The following GRM8 variants were observed in gnomAD, a reference collection of about 807,000 sequenced individuals.
GRM8 encodes the protein metabotropic glutamate receptor 8.
A neutral mutation model predicts 87.2 loss-of-function variants in GRM8; 47 were observed. That is an observed-to-expected ratio of 0.54 (90% CI 0.43 to 0.69). GRM8 has a LOEUF of 0.69. Ranked by LOEUF, GRM8 falls within the 30% of genes least tolerant of loss-of-function variation. GRM8 has a pLI of 0.00. For missense variants in GRM8, 1,019 were observed against 1,139.2 expected (o/e 0.89, Z 1.52); for synonymous variants, 396 against 404.5 (o/e 0.98, Z 0.25).
chr7:126,693,457 C>T (rs971558066), intron 7 of GRM8, among the ~76,000 whole-genome samples: 1 of 152,092 alleles, frequency 6.6e-6, no homozygotes, highest in Non-Finnish European at 1.5e-5. Context: ...AAGTACAATA[C>T]ATTACAGCAT....
intron 2 of GRM8, among the ~76,000 whole-genome samples, chr7:127,142,226 C>T (rs570574893): frequency 1.3e-5 from 2 of 152,198 alleles, no homozygotes; most frequent in East Asian, 1.9e-4. Context: ...GATCCTCTCA[C>T]CTCAGCCTCC....
At chr7:127,042,058 T>A (rs746624101) in intron 3 of GRM8, among the ~76,000 whole-genome samples, 3 of 152,146 alleles carry the variant, frequency 2.0e-5, no homozygotes, top group Non-Finnish European at 4.4e-5. Flanking sequence ...TTAGCTTGAT[T>A]GTAGAAAGAG....
At chr7:126,823,421 G>C (rs1470959412) in intron 6 of GRM8, among the ~76,000 whole-genome samples, 1 of 152,208 alleles carries the variant, frequency 6.6e-6, no homozygotes, top group African/African-American at 2.4e-5. Context: ...AAGTGAGGCA[G>C]AGTATTAGTT....
chr7:127,134,481 C>T (rs1827849325), intron 2 of GRM8, among the ~76,000 whole-genome samples: 1 of 151,950 alleles, frequency 6.6e-6, no homozygotes, highest in African/African-American at 2.4e-5. Context: ...TGCAATGATT[C>T]AACAAAGAAA....
intron 3 of GRM8, among the ~76,000 whole-genome samples, chr7:127,033,826 T>C (rs975600311): frequency 2.0e-5 from 3 of 152,220 alleles, no homozygotes; most frequent in Non-Finnish European, 4.4e-5. Context: ...TAGACTCCAT[T>C]AATAATGAAA....
intron 2 of GRM8, among the ~76,000 whole-genome samples, chr7:127,143,860 G>C (rs1398825393): frequency 6.6e-6 from 1 of 152,110 alleles, no homozygotes; most frequent in Non-Finnish European, 1.5e-5. Flanking sequence ...TAGAACTGAA[G>C]AGTTAACACA....
intron 9 of GRM8, among the ~76,000 whole-genome samples, chr7:126,510,504 G>A (rs2299448): frequency 0.76 from 115,221 of 151,860 alleles, 43,734 homozygotes; most frequent in Middle Eastern, 0.88. Flanking sequence ...ATTTAAAATG[G>A]AAAAAACCAG....
At chr7:126,442,936 C>G (rs1442921729) in intron 10 of GRM8, among the ~76,000 whole-genome samples, 1 of 151,920 alleles carries the variant, frequency 6.6e-6, no homozygotes, top group Non-Finnish European at 1.5e-5. Context: ...ATGGCAGATA[C>G]CTCGCAAGAA....
At chr7:126,840,824 T>C (rs1307002515) in intron 6 of GRM8, among the ~76,000 whole-genome samples, 3 of 152,262 alleles carry the variant, frequency 2.0e-5, no homozygotes, top group African/African-American at 4.8e-5. Context: ...ACCAATTTCA[T>C]GTCACAAAAG....
At chr7:126,651,736 C>T (rs1449528043) in intron 7 of GRM8, among the ~76,000 whole-genome samples, 2 of 152,130 alleles carry the variant, frequency 1.3e-5, no homozygotes, top group Admixed American at 6.5e-5. Context: ...GGGTGACTGA[C>T]CCAGACTATC....
chr7:126,982,098 T>C (rs775984673), intron 3 of GRM8, among the ~76,000 whole-genome samples: 20 of 152,150 alleles, frequency 1.3e-4, no homozygotes, highest in Non-Finnish European at 2.2e-4. Context: ...GAAGCCAGTC[T>C]GAGTCCCAAA....
intron 9 of GRM8, among the ~76,000 whole-genome samples, chr7:126,500,023 G>A (rs183277291): frequency 3.2e-4 from 48 of 151,982 alleles, no homozygotes; most frequent in Non-Finnish European, 5.6e-4. Flanking sequence ...GATCAAATCA[G>A]GCTAATTAAC....
chr7:126,848,498 T>C (rs1260151731), intron 6 of GRM8, among the ~76,000 whole-genome samples: 1 of 152,158 alleles, frequency 6.6e-6, no homozygotes, highest in Non-Finnish European at 1.5e-5. Context: ...CTTGTGTCTT[T>C]TTACTTTTAT....
chr7:126,636,496 A>T (rs893267999), intron 7 of GRM8, among the ~76,000 whole-genome samples: 10 of 152,146 alleles, frequency 6.6e-5, no homozygotes, highest in Non-Finnish European at 1.3e-4. Flanking sequence ...TAATGACAAT[A>T]AAAAAGTCTG....
intron 3 of GRM8, among the ~76,000 whole-genome samples, chr7:126,971,174 A>C (rs987639470): frequency 2.0e-5 from 3 of 151,190 alleles, no homozygotes; most frequent in Non-Finnish European, 3.0e-5. Context: ...AAAAAAAAAA[A>C]AAAAAAAAAA....
chr7:127,156,520 G>A (rs1792742686), intron 2 of GRM8, among the ~76,000 whole-genome samples: 1 of 152,164 alleles, frequency 6.6e-6, no homozygotes, highest in Non-Finnish European at 1.5e-5. Flanking sequence ...CTAACCTCAA[G>A]TACAGGCTTT....
intron 7 of GRM8, among the ~76,000 whole-genome samples, chr7:126,676,130 T>G (rs1009367273): frequency 6.6e-6 from 1 of 152,098 alleles, no homozygotes; most frequent in Non-Finnish European, 1.5e-5. Context: ...CCAATCCCAT[T>G]TATTATAGCT....
intron 8 of GRM8, among the ~76,000 whole-genome samples, chr7:126,561,558 G>A (rs1168298339): frequency 6.6e-6 from 1 of 151,850 alleles, no homozygotes; most frequent in Non-Finnish European, 1.5e-5. Flanking sequence ...ATCAACAGCA[G>A]CAGCTATAGA....
At chr7:126,772,353 TA>T (rs2151614383) in intron 6 of GRM8, among the ~76,000 whole-genome samples, 1 of 152,272 alleles carries the variant, frequency 6.6e-6, no homozygotes, top group African/African-American at 2.4e-5. Flanking sequence ...GTGTTTCATT[TA>T]TTTTGCATCG....
Sources: gnomAD v4.1 joint callset for allele counts (sites outside exome capture counted in the v4.1 genomes callset) on GRCh38, gnomAD v4.1.1 for gene constraint, MANE v1.5 for transcripts, NCBI Gene and HGNC (gene_info 2026-07-23, HGNC 2026-07-21) for gene names.